The following XRCC1 variants were observed in gnomAD, a reference collection of about 807,000 sequenced individuals.
XRCC1 encodes the protein DNA repair protein XRCC1.
In XRCC1, 52 loss-of-function variants were observed where a neutral mutation model predicts 83.3. The observed-to-expected ratio is 0.62, with a 90% CI of 0.50 to 0.79. The LOEUF is 0.79. XRCC1 is among the 30% of genes least tolerant of loss of function. The pLI, the probability that XRCC1 is intolerant of heterozygous loss-of-function variation, is 0.00. For synonymous variants in XRCC1, 281 were observed against 312.6 expected (o/e 0.90, Z 1.07); for missense variants, 793 against 823.5 (o/e 0.96, Z 0.45).
chr19:43,546,549 A>G lies in XRCC1; in HGVS notation c.1426+46T>C, dbSNP rs372539064. 1.9e-6 allele frequency: 3 copies of G among 1,560,090 alleles called. No individual in the cohort carries two copies. In the African/African-American group the frequency reaches 4.4e-5, roughly 23 times the overall value. ...CCCAGGCCGCAGGCCCTCCTCCCTC[A>G]GACTCAGGAGCCCAGGCCCCAGCCC... On this transcript the variant is annotated intron_variant, in intron 12 of 16. Coordinates refer to ENST00000262887, the MANE Select transcript of XRCC1 (RefSeq NM_006297.3).
Position 43,554,627 on chromosome 19 carries a change from T to A in XRCC1, c.414+19A>T, listed in dbSNP as rs774712606. The A allele has an allele frequency of 6.2e-6, 10 of 1,600,504 alleles. No individual in the cohort carries two copies. In the East Asian group the frequency reaches 1.8e-4, roughly 29 times the overall value. On this transcript the variant is annotated intron_variant, in intron 4 of 16. Transcript: ENST00000262887. ...GCCCAGGACCAAGGACTCTGCACCC[T>A]GGCTCCCACCCTAGGTACCTTGCTG...
rs1447715348 is a variant in XRCC1 at position 43,543,367 on chromosome 19, TGTGTG to T, written c.*20_*24del. The stretch of plus-strand genomic sequence containing the variant: ...GTGTGTGTGTGTGTGTGTGTGTGTG[TGTGTG>T]TGTGTGTATAGCACATACTTCAGGC... On this transcript the variant is annotated 3_prime_UTR_variant, in exon 17 of 17. Coordinates refer to ENST00000262887, the MANE Select transcript of XRCC1 (RefSeq NM_006297.3). 2 of 1,441,746 alleles carry T rather than the reference TGTGTG, an allele frequency of 1.4e-6. No individual in the cohort carries two copies. Among genetic ancestry groups the T allele is most frequent in the Non-Finnish European group, 1.9e-6 (2 of 1,031,378 alleles). 89.3% of individuals were successfully genotyped at this position (1,441,746 alleles called of 1,614,324 possible). A position where few individuals can be genotyped will look rare whatever the true frequency, so the allele number is the denominator to read the frequency against.
chr19:43,558,662 A>G (rs974511959), intron 3 of XRCC1, among the ~76,000 whole-genome samples: 1 of 151,692 alleles, frequency 6.6e-6, no homozygotes, highest in East Asian at 1.9e-4. Flanking sequence ...ATAAATACAT[A>G]TATACATAAA....
intron 3 of XRCC1, among the ~76,000 whole-genome samples, chr19:43,556,211 G>A (rs1325477286): frequency 6.6e-6 from 1 of 152,178 alleles, no homozygotes; most frequent in Non-Finnish European, 1.5e-5. Context: ...TAAGGGTTAT[G>A]CACGTGGTGG....
At chr19:43,546,429 C>T (rs536427315) in intron 12 of XRCC1, among the ~76,000 whole-genome samples, 166 bp downstream of exon 12, 2 of 150,446 alleles carry the variant, frequency 1.3e-5, no homozygotes, top group Non-Finnish European at 3.0e-5. Flanking sequence ...GCCCCCAGCC[C>T]CTCATCCCTC....
intron 2 of XRCC1, among the ~76,000 whole-genome samples, chr19:43,567,979 A>C (rs548449708): frequency 7.4e-4 from 111 of 151,000 alleles, no homozygotes; most frequent in African/African-American, 2.6e-3. Context: ...GGTTCAAACA[A>C]TTCTCCTGCC....
intron 14 of XRCC1, among the ~76,000 whole-genome samples, chr19:43,544,507 T>C (rs1972488991): frequency 1.3e-5 from 2 of 151,286 alleles, no homozygotes; most frequent in Non-Finnish European, 2.9e-5. Flanking sequence ...TACCTCTCTC[T>C]CTCTCTTTTT....
chr19:43,554,971 A>G (rs1972621233), intron 3 of XRCC1, 167 bp from the exon 4 acceptor site: 1 of 655,460 alleles, frequency 1.5e-6, no homozygotes, highest in Non-Finnish European at 2.5e-6. Flanking sequence ...GCCTTGAGTC[A>G]GTCCTGCCCT....
In XRCC1 at chr19:43,552,096, G is replaced by C. The variant is rs774774622; in HGVS notation, c.1003C>G (p.Arg335Gly). 6.2e-7 allele frequency: 1 copy of C among 1,614,044 alleles called. No homozygotes were observed. Among genetic ancestry groups the C allele is most frequent in the Non-Finnish European group, 8.5e-7 (1 of 1,179,978 alleles). ...AGGGCCTTATCTCGCAGCTCGGAGCGGAAGGGGTTCTGGAAGCCACTCAGC... is the reference window on the plus strand; with the variant it reads ...AGGGCCTTATCTCGCAGCTCGGAGCCGAAGGGGTTCTGGAAGCCACTCAGC... The part of the protein sequence containing the change: ...VVLSGFQNPF[R>G]SELRDKALEL... Residue 335 changes from arginine to glycine, a missense_variant, in exon 9 of 17, where the codon CGC becomes GGC. By Grantham distance (125) the Arg-to-Gly change is moderately radical. Coordinates refer to ENST00000262887, the MANE Select transcript of XRCC1 (RefSeq NM_006297.3).
chr19:43,554,872 T>A (rs1373105209), intron 3 of XRCC1, 68 bp from the exon 4 acceptor site: 1 of 1,540,930 alleles, frequency 6.5e-7, no homozygotes, highest in African/African-American at 1.4e-5. Context: ...TTCTAGGGGC[T>A]GGGGAAGAGG....
At chr19:43,568,938 T>C (rs1192550496) in intron 2 of XRCC1, among the ~76,000 whole-genome samples, 1 of 150,966 alleles carries the variant, frequency 6.6e-6, no homozygotes, top group Non-Finnish European at 1.5e-5. Flanking sequence ...CTGTAATCCC[T>C]GTAATCCCAG....
rs1182228239 is a variant in XRCC1, at chr19:43,554,642, G to C, written c.414+4C>G. 6.8e-6 allele frequency: 11 copies of C among 1,609,190 alleles called. No individual in the cohort carries two copies. The highest frequency in any genetic ancestry group is 9.3e-6 in the Non-Finnish European group (11 of 1,177,018). ...CTCTGCACCCTGGCTCCCACCCTAG[G>C]TACCTTGCTGTAGGGCTGGCTGCAA... On this transcript the variant is annotated splice_donor_region_variant and intron_variant, in intron 4 of 16. Coordinates refer to ENST00000262887, the MANE Select transcript of XRCC1 (RefSeq NM_006297.3).
intron 2 of XRCC1, 23 bp downstream of exon 2, chr19:43,574,887 A>G (rs1972838950): frequency 3.8e-6 from 6 of 1,596,582 alleles, no homozygotes; most frequent in Non-Finnish European, 4.3e-6. Flanking sequence ...CCTAGTGAGG[A>G]GGAGGTGGGG....
chr19:43,547,485 CTT>C lies in XRCC1; in HGVS notation c.1200-510_1200-509del, dbSNP rs71169260. Reference sequence around the variant, plus strand: ...AGGCGTTAGCCACCACTCCTGGCCGCTTTTTTTTTTTTTTAGACAAGATCTCA... The same window carrying C: ...AGGCGTTAGCCACCACTCCTGGCCGCTTTTTTTTTTTTAGACAAGATCTCA... On this transcript the variant is annotated intron_variant, in intron 10 of 16. Coordinates refer to ENST00000262887, the MANE Select transcript of XRCC1 (RefSeq NM_006297.3). Among the ~76,000 whole-genome samples the C allele has an allele frequency of 3.9e-4, 55 of 140,050 alleles. 1 individual carries two copies. Among genetic ancestry groups the C allele is most frequent in the Admixed American group, 6.4e-4 (9 of 13,984 alleles). The allele number at this position is 140,050 out of a possible 152,430, so 91.9% of individuals were successfully genotyped here. A position where few individuals can be genotyped will look rare whatever the true frequency, so the allele number is the denominator to read the frequency against.
intron 3 of XRCC1, 196 bp from the exon 4 acceptor site, chr19:43,555,000 A>G (rs1039068040): frequency 1.9e-5 from 9 of 481,056 alleles, no homozygotes; most frequent in African/African-American, 1.6e-4. Flanking sequence ...CCCCAGAGGG[A>G]TCTCTTTATC....
intron 10 of XRCC1, among the ~76,000 whole-genome samples, chr19:43,547,598 C>T (rs1453934169): frequency 6.6e-6 from 1 of 152,060 alleles, no homozygotes; most frequent in Non-Finnish European, 1.5e-5. Flanking sequence ...TCTCCTGCCT[C>T]AGCCTCCCCA....
chr19:43,560,225 C>G (rs570095990), intron 3 of XRCC1, among the ~76,000 whole-genome samples: 1 of 150,530 alleles, frequency 6.6e-6, no homozygotes, highest in African/African-American at 2.4e-5. Flanking sequence ...CCCGTCTCTA[C>G]TAAAAATACA....
chr19:43,552,401 C>A (rs1419633967), intron 8 of XRCC1, 126 bp from the exon 9 acceptor site: 30 of 700,236 alleles, frequency 4.3e-5, no homozygotes, highest in Non-Finnish European at 6.6e-5. Context: ...CAGGCCCCAG[C>A]CCCTCCCCCC....
chr19:43,566,550 A>G (rs1219339615), intron 2 of XRCC1, among the ~76,000 whole-genome samples: 3 of 150,128 alleles, frequency 2.0e-5, no homozygotes, highest in South Asian at 4.2e-4. Flanking sequence ...AAAAAAAAAA[A>G]GTAAATAAAT....
Sources: gnomAD v4.1 joint callset for allele counts (sites outside exome capture counted in the v4.1 genomes callset) on GRCh38, gnomAD v4.1.1 for gene constraint, MANE v1.5 for transcripts, NCBI Gene and HGNC (gene_info 2026-07-23, HGNC 2026-07-21) for gene names.